Variants in RGS7 observed in about 807,000 individuals in gnomAD.
RGS7 encodes regulator of G protein signaling 7.
Under a neutral mutation model 81.1 loss-of-function variants are expected in RGS7, and 27 were observed. That is an observed-to-expected ratio of 0.33 (90% CI 0.25 to 0.46). The LOEUF is 0.46. RGS7 is among the 20% of genes least tolerant of loss of function. The pLI is 1.00. For missense variants in RGS7, 396 were observed against 607.4 expected (o/e 0.65, Z 3.66); for synonymous variants, 208 against 207.7 (o/e 1.00, Z -0.01).
chr1:240,978,636 AAAT>A (rs1238850164), intron 4 of RGS7, among the ~76,000 whole-genome samples: 1 of 152,176 alleles, frequency 6.6e-6, no homozygotes, highest in African/African-American at 2.4e-5. Context: ...AAAACAGAGA[AAAT>A]AATAATCGAG....
chr1:241,048,788 C>G (rs894278621), intron 3 of RGS7, among the ~76,000 whole-genome samples: 1 of 152,164 alleles, frequency 6.6e-6, no homozygotes, highest in African/African-American at 2.4e-5. Flanking sequence ...AATGTGCCAC[C>G]AACTGGGTGG....
intron 2 of RGS7, among the ~76,000 whole-genome samples, chr1:241,122,646 AG>A (rs2066367900): frequency 1.3e-5 from 2 of 151,162 alleles, no homozygotes; most frequent in South Asian, 4.3e-4. Context: ...CTGGCCAGCA[AG>A]AGAGAAACTC....
chr1:240,868,896 A>ACTGC lies in RGS7; in HGVS notation c.451-48_451-45dup. Reference sequence around the variant, plus strand: ...GTGAAGACATTTGGTGTTCATTGTCACTGCTCTCTTCTAGCTTAGTTACCA... The same window carrying ACTGC: ...GTGAAGACATTTGGTGTTCATTGTCACTGCCTGCTCTCTTCTAGCTTAGTTACCA... On this transcript the variant is annotated intron_variant, in intron 7 of 18. Coordinates refer to ENST00000440928, the MANE Select transcript of RGS7 (RefSeq NM_001364886.1). This position sits in a 1 kb window ranked among gnomAD's most constrained non-coding sequence, Gnocchi z 5.1. The ACTGC allele has an allele frequency of 6.5e-7, 1 of 1,548,582 alleles. No homozygotes were observed. The highest frequency in any genetic ancestry group is 8.9e-7 in the Non-Finnish European group (1 of 1,120,352).
chr1:240,803,105 TAAC>T, intron 15 of RGS7, 112 bp from the exon 16 acceptor site: 1 of 752,296 alleles, frequency 1.3e-6, no homozygotes, highest in East Asian at 2.5e-5. Flanking sequence ...AAAATAGTAA[TAAC>T]AATGCTGATT....
chr1:240,826,306 G>C (rs1442153316), intron 10 of RGS7, among the ~76,000 whole-genome samples: 1 of 152,078 alleles, frequency 6.6e-6, no homozygotes, highest in Non-Finnish European at 1.5e-5. Context: ...TGAACATGAT[G>C]GTATGTTTCT....
At chr1:241,151,629 TTACATA>T (rs2068763570) in intron 2 of RGS7, among the ~76,000 whole-genome samples, 1 of 151,362 alleles carries the variant, frequency 6.6e-6, no homozygotes, top group African/African-American at 2.4e-5. Context: ...TGCAGTTTTG[TTACATA>T]GGTATACACA....
intron 2 of RGS7, among the ~76,000 whole-genome samples, chr1:241,261,861 A>AT (rs753979280): frequency 1.3e-5 from 2 of 152,064 alleles, no homozygotes; most frequent in African/African-American, 4.8e-5. Flanking sequence ...ATTTCCCCGG[A>AT]TTTTTTATGG....
chr1:241,235,909 T>TGAGAGAGAGAGAGAGAGA (rs1553294805), intron 2 of RGS7, among the ~76,000 whole-genome samples: 6 of 137,900 alleles, frequency 4.4e-5, no homozygotes, highest in African/African-American at 1.5e-4. Flanking sequence ...AGATGCACTT[T>TGAGAGAGAGAGAGAGAGA]GAGAGAGAGA....
At chr1:241,045,427 G>A (rs1455369223) in intron 3 of RGS7, among the ~76,000 whole-genome samples, 1 of 152,036 alleles carries the variant, frequency 6.6e-6, no homozygotes, top group Non-Finnish European at 1.5e-5. Context: ...GCAGTGGTGC[G>A]ATCTTGGCTC....
chr1:240,821,774 C>T (rs548554937), intron 10 of RGS7, among the ~76,000 whole-genome samples: 20 of 152,194 alleles, frequency 1.3e-4, no homozygotes, highest in Middle Eastern at 3.4e-3. Flanking sequence ...ATATTTAGTG[C>T]CATGATGTCC....
At chr1:241,012,080 A>T (rs953539714) in intron 3 of RGS7, among the ~76,000 whole-genome samples, 4 of 152,118 alleles carry the variant, frequency 2.6e-5, no homozygotes, top group African/African-American at 9.7e-5. Flanking sequence ...CCTTTCTGGT[A>T]ACATCACTAG....
At chr1:241,058,469 T>C (rs2061584340) in intron 3 of RGS7, among the ~76,000 whole-genome samples, 1 of 152,220 alleles carries the variant, frequency 6.6e-6, no homozygotes, top group Non-Finnish European at 1.5e-5. Flanking sequence ...AAGGGTACTT[T>C]GCTTTCTTTG....
chr1:241,264,501 A>G lies in RGS7; in HGVS notation c.78+91198T>C, dbSNP rs567411567. On this transcript the variant is annotated intron_variant, in intron 2 of 18. Coordinates refer to ENST00000440928, the MANE Select transcript of RGS7 (RefSeq NM_001364886.1). ...AACAGAGTGAGACCCTGTCTCAAAGAAAAAAAAAAGACATTAATTCTATGT... is the reference window on the plus strand; with the variant it reads ...AACAGAGTGAGACCCTGTCTCAAAGGAAAAAAAAAGACATTAATTCTATGT... Among the ~76,000 whole-genome samples the G allele has an allele frequency of 3.3e-5, 5 of 150,168 alleles. No homozygotes were observed. In the East Asian group the frequency reaches 9.7e-4, roughly 29 times the overall value.
intron 3 of RGS7, among the ~76,000 whole-genome samples, chr1:241,085,603 T>G (rs980509514): frequency 2.0e-5 from 3 of 152,046 alleles, no homozygotes; most frequent in Non-Finnish European, 4.4e-5. Flanking sequence ...TTTTTATATT[T>G]TTTTTAGTAG....
chr1:240,836,056 G>A (rs76815691), intron 9 of RGS7, among the ~76,000 whole-genome samples: 2,847 of 147,174 alleles, frequency 0.019, 81 homozygotes, highest in African/African-American at 0.067. Flanking sequence ...CATCAACAGT[G>A]AACTCTAATG....
chr1:240,854,242 C>T (rs895949217), intron 9 of RGS7, among the ~76,000 whole-genome samples: 4 of 152,154 alleles, frequency 2.6e-5, no homozygotes, highest in Non-Finnish European at 5.9e-5. Context: ...GACGGTCTAC[C>T]AAGGAGCAAG....
intron 2 of RGS7, among the ~76,000 whole-genome samples, chr1:241,108,661 AT>A (rs2065299412): frequency 1.3e-5 from 2 of 152,166 alleles, no homozygotes; most frequent in African/African-American, 4.8e-5. Flanking sequence ...CCCCTGAACT[AT>A]TTGGGAAAGA....
chr1:241,124,160 G>A (rs1185846311), intron 2 of RGS7, among the ~76,000 whole-genome samples: 1 of 151,942 alleles, frequency 6.6e-6, no homozygotes, highest in Non-Finnish European at 1.5e-5. Context: ...TTGGGAGGCC[G>A]AGGCGGGAGG....
intron 6 of RGS7, among the ~76,000 whole-genome samples, chr1:240,870,682 T>A (rs1017635080): frequency 1.3e-5 from 2 of 152,146 alleles, no homozygotes; most frequent in South Asian, 2.1e-4. Context: ...GTTTTTAGCA[T>A]CTTCAACAAA....
Sources: allele counts gnomAD v4.1 joint callset (sites outside exome capture counted in the v4.1 genomes callset), GRCh38; gene constraint gnomAD v4.1.1; non-coding constraint Gnocchi (gnomAD v3.1); transcripts MANE v1.5; gene names NCBI Gene and HGNC (gene_info 2026-07-23, HGNC 2026-07-21).